HDAC9: variants seen among roughly 807,000 people sequenced by gnomAD.
The protein encoded by HDAC9 is histone deacetylase 9, also known as MEF-2 interacting transcription repressor (MITR) protein.
Under a neutral mutation model 139.4 loss-of-function variants are expected in HDAC9, and 41 were observed. The ratio of observed to expected loss-of-function variants is 0.29; its 90% CI spans 0.23 to 0.38. The LOEUF (loss-of-function observed/expected upper bound fraction) is 0.38. HDAC9 is among the 10% of genes least tolerant of loss of function. The pLI is 1.00. For missense variants in HDAC9, 1,147 were observed against 1,297.0 expected, an observed-to-expected ratio of 0.88 and a Z score of 1.78; for synonymous variants, 517 against 476.2, an observed-to-expected ratio of 1.09 and a Z score of -1.12.
chr7:18,924,998 G>A (rs1242612905), intron 22 of HDAC9, among the ~76,000 whole-genome samples: 2 of 152,062 alleles, frequency 1.3e-5, no homozygotes, highest in South Asian at 2.1e-4. Context: ...AGTTTGAAAA[G>A]GAATTAGTTT....
intron 1 of HDAC9, among the ~76,000 whole-genome samples, chr7:18,118,221 A>G (rs1337213835): frequency 6.6e-6 from 1 of 152,204 alleles, no homozygotes; most frequent in African/African-American, 2.4e-5. Flanking sequence ...TTTCTCTATG[A>G]CATCTTGCTT....
intron 12 of HDAC9, among the ~76,000 whole-genome samples, chr7:18,713,637 T>C (rs990091817): frequency 3.3e-5 from 5 of 152,056 alleles, no homozygotes; most frequent in Non-Finnish European, 7.4e-5. Context: ...AGAAGATTTA[T>C]TAATATAAAA....
chr7:18,943,949 C>A (rs998222366), intron 23 of HDAC9, among the ~76,000 whole-genome samples: 1 of 152,000 alleles, frequency 6.6e-6, no homozygotes, highest in Admixed American at 6.5e-5. Flanking sequence ...ATACAATCAC[C>A]CTGATTCTGA....
chr7:18,560,947 A>G (rs986517232), intron 2 of HDAC9, among the ~76,000 whole-genome samples: 2 of 152,172 alleles, frequency 1.3e-5, no homozygotes, highest in Non-Finnish European at 2.9e-5. Context: ...TCCTCCTGGC[A>G]TTAGGAAATG....
At chr7:18,818,227 C>G (rs1297769832) in intron 17 of HDAC9, among the ~76,000 whole-genome samples, 1 of 152,160 alleles carries the variant, frequency 6.6e-6, no homozygotes, top group Non-Finnish European at 1.5e-5. Flanking sequence ...AGTGCTGATA[C>G]TTAAGCACTG....
chr7:18,631,740 G>T (rs1193454809), intron 7 of HDAC9, among the ~76,000 whole-genome samples: 1 of 151,342 alleles, frequency 6.6e-6, no homozygotes, highest in Non-Finnish European at 1.5e-5. Flanking sequence ...GACTCCCCCT[G>T]TGCCTGCAAT....
At chr7:18,424,921 A>G (rs1789972572) in intron 1 of HDAC9, among the ~76,000 whole-genome samples, 2 of 152,172 alleles carry the variant, frequency 1.3e-5, no homozygotes, top group Non-Finnish European at 1.5e-5. Context: ...AATAATAATT[A>G]AAATAATAGT....
At chr7:18,605,314 CTTT>C (rs1285452387) in intron 6 of HDAC9, among the ~76,000 whole-genome samples, 5 of 152,126 alleles carry the variant, frequency 3.3e-5, no homozygotes, top group Non-Finnish European at 7.3e-5. Context: ...GTGGGCCTGA[CTTT>C]GTATGCTGTG....
At chr7:18,778,018 G>T (rs1790926542) in intron 16 of HDAC9, among the ~76,000 whole-genome samples, 2 of 151,868 alleles carry the variant, frequency 1.3e-5, no homozygotes, top group African/African-American at 4.8e-5. Context: ...GGAAACAAAG[G>T]CTCAGAGAGG....
At chr7:18,530,991 T>C (rs1470911213) in intron 2 of HDAC9, among the ~76,000 whole-genome samples, 1 of 151,920 alleles carries the variant, frequency 6.6e-6, no homozygotes, top group Non-Finnish European at 1.5e-5. Context: ...TATTAGCCAT[T>C]TTAACAATTT....
At chr7:18,133,980 A>C (rs1562655877) in intron 1 of HDAC9, among the ~76,000 whole-genome samples, 1 of 133,732 alleles carries the variant, frequency 7.5e-6, no homozygotes, top group Admixed American at 7.6e-5. Flanking sequence ...TCATCCATCT[A>C]TTTTTTTTTT....
At chr7:18,846,951 G>A (rs371784667) in intron 21 of HDAC9, among the ~76,000 whole-genome samples, 32 of 152,276 alleles carry the variant, frequency 2.1e-4, no homozygotes, top group Admixed American at 1.3e-3. Flanking sequence ...TGAAAAGTGC[G>A]TGTGGAAGTG....
At chr7:18,740,246 C>T (rs1051012795) in intron 13 of HDAC9, among the ~76,000 whole-genome samples, 11 of 152,214 alleles carry the variant, frequency 7.2e-5, no homozygotes, top group Admixed American at 7.2e-4. Flanking sequence ...ATGCCCTGCC[C>T]TGCTTCAGCT....
At chr7:18,097,900 AT>A (rs988085131) in intron 1 of HDAC9, among the ~76,000 whole-genome samples, 4 of 152,004 alleles carry the variant, frequency 2.6e-5, no homozygotes, top group African/African-American at 9.7e-5. Flanking sequence ...CATCATTTTC[AT>A]TTCTGGTGTT....
chr7:18,465,965 G>T (rs963281356), intron 1 of HDAC9, among the ~76,000 whole-genome samples: 1 of 152,090 alleles, frequency 6.6e-6, no homozygotes, highest in Non-Finnish European at 1.5e-5. Context: ...TTACAGTTTT[G>T]TGATCTGGAA....
At chr7:18,257,125 T>A (rs912412796) in intron 2 of HDAC9, among the ~76,000 whole-genome samples, 1 of 150,434 alleles carries the variant, frequency 6.6e-6, no homozygotes, top group African/African-American at 2.5e-5. Flanking sequence ...TGTATGTGTG[T>A]GTGTGTGTGT....
intron 17 of HDAC9, among the ~76,000 whole-genome samples, chr7:18,813,901 C>T (rs1794374133): frequency 1.3e-5 from 2 of 152,082 alleles, no homozygotes; most frequent in South Asian, 2.1e-4. Context: ...TATGGTGTTC[C>T]CACACCACAG....
chr7:18,301,279 G>T (rs1798520806), intron 1 of HDAC9, among the ~76,000 whole-genome samples: 2 of 152,042 alleles, frequency 1.3e-5, no homozygotes, highest in South Asian at 4.1e-4. Context: ...TTGACTAAGT[G>T]ATTTAAAGAT....
At chr7:18,780,505 G>A (rs1562936076) in intron 16 of HDAC9, among the ~76,000 whole-genome samples, 1 of 151,952 alleles carries the variant, frequency 6.6e-6, no homozygotes, top group East Asian at 1.9e-4. Context: ...GTTGTTGTTG[G>A]ATGATTCAGT....
Sources: gnomAD v4.1 joint callset for allele counts (sites outside exome capture counted in the v4.1 genomes callset) on GRCh38, gnomAD v4.1.1 for gene constraint, MANE v1.5 for transcripts, NCBI Gene and HGNC (gene_info 2026-07-23, HGNC 2026-07-21) for gene names.